AGAP1: variants seen among roughly 807,000 people sequenced by gnomAD.
The protein encoded by AGAP1 is arf-GAP with GTPase, ANK repeat and PH domain-containing protein 1.
AGAP1 carries 29 observed loss-of-function variants against 105.3 expected under a neutral mutation model. That is an observed-to-expected ratio of 0.28 (90% confidence interval 0.21 to 0.38). The LOEUF is 0.38. AGAP1 is among the 10% of genes least tolerant of loss of function. The pLI, the probability that AGAP1 is intolerant of heterozygous loss-of-function variation, is 1.00. For synonymous variants in AGAP1, 509 were observed against 485.9 expected (o/e 1.05, Z -0.63); for missense variants, 998 against 1,165.1 (o/e 0.86, Z 2.09).
intron 1 of AGAP1, among the ~76,000 whole-genome samples, chr2:235,673,775 G>A (rs2149370392): frequency 6.6e-6 from 1 of 152,308 alleles, no homozygotes; most frequent in South Asian, 2.1e-4. Context: ...TGGAGTCCTT[G>A]AAAATATAAA....
intron 2 of AGAP1, among the ~76,000 whole-genome samples, chr2:235,717,135 C>A (rs2149545118): frequency 6.6e-6 from 1 of 152,254 alleles, no homozygotes; most frequent in East Asian, 1.9e-4. Context: ...AAAGATGCTA[C>A]CATGCATGGG....
rs7569927 is a variant in AGAP1 at position 235,888,549 on chromosome 2, A to C, written c.1155+5100A>C. Among the ~76,000 whole-genome samples, 6,941 of 152,092 alleles carry C rather than the reference A, an allele frequency of 0.046. 374 individuals are homozygous for C. The highest frequency in any genetic ancestry group is 0.13 in the African/African-American group (5,322 of 41,484). On this transcript the variant is annotated intron_variant, in intron 10 of 17. Transcript: ENST00000304032. The surrounding 1 kb of genome is among the most constrained non-coding windows in gnomAD (Gnocchi z 4.8). ...AGAGACCCCATCTCTACAACAAATA[A>C]AAAAGTGAGCCAGGTGTGGTGGAGC... is the stretch of plus-strand genomic sequence containing the variant.
chr2:235,688,419 G>A (rs1051207614), intron 1 of AGAP1, among the ~76,000 whole-genome samples: 2 of 151,952 alleles, frequency 1.3e-5, no homozygotes, highest in East Asian at 1.9e-4. Context: ...AGGTCATGAC[G>A]GTCCCCTCCA....
chr2:235,536,659 A>ACG (rs1943246393), intron 1 of AGAP1, among the ~76,000 whole-genome samples: 1 of 151,130 alleles, frequency 6.6e-6, no homozygotes, highest in Admixed American at 6.6e-5. Flanking sequence ...ACACACACAC[A>ACG]CACACACACA....
chr2:235,772,743 C>T (rs774133323), intron 6 of AGAP1, among the ~76,000 whole-genome samples: 5 of 152,316 alleles, frequency 3.3e-5, no homozygotes, highest in South Asian at 4.1e-4. Flanking sequence ...CACAGCTGAG[C>T]GGCTGTGACC....
At chr2:235,816,429 C>A (rs1322217835) in intron 9 of AGAP1, among the ~76,000 whole-genome samples, 1 of 118,660 alleles carries the variant, frequency 8.4e-6, no homozygotes, top group East Asian at 2.3e-4. Flanking sequence ...CAGAGCGAGA[C>A]TCCGTCTCAA....
chr2:235,710,774 GT>G (rs1412767545), intron 2 of AGAP1, among the ~76,000 whole-genome samples: 1 of 152,164 alleles, frequency 6.6e-6, no homozygotes, highest in Non-Finnish European at 1.5e-5. Flanking sequence ...CAATCCCGCA[GT>G]TTCCGTTACT....
At chr2:235,828,939 A>G (rs1306710563) in intron 9 of AGAP1, among the ~76,000 whole-genome samples, 1 of 152,194 alleles carries the variant, frequency 6.6e-6, no homozygotes, top group Non-Finnish European at 1.5e-5. Context: ...GCCTGTCCAG[A>G]GTTCTGAGCC....
chr2:235,729,838 G>C lies in AGAP1; in HGVS notation c.311-11125G>C, dbSNP rs567508120. 1.1e-3 allele frequency among the ~76,000 whole-genome samples: 175 copies of C among 152,250 alleles called. No homozygotes were observed. Among genetic ancestry groups the C allele is most frequent in the Non-Finnish European group, 1.9e-3 (126 of 68,020 alleles). On this transcript the variant is annotated intron_variant, in intron 3 of 17. Transcript: ENST00000304032. This position sits in a 1 kb window ranked among gnomAD's most constrained non-coding sequence, Gnocchi z 5.0. ...CACCTCTTCCGTGTTGCTACTGCCT[G>C]AGAACAGAGGTTTTTAGTTTCTTTA...
At position 235,867,683 on chromosome 2, in the gene AGAP1, G is replaced by A. The variant is rs888848513; in HGVS notation, c.1051-15662G>A. Among the ~76,000 whole-genome samples the A allele has an allele frequency of 1.3e-5, 2 of 152,086 alleles. No homozygotes were observed. The highest frequency in any genetic ancestry group is 2.9e-5 in the Non-Finnish European group (2 of 68,016). ...AGTGTTATCTGCAGGGTATAGCTTAGCATAATGAGAGGGCAAAAGCAAGAT... is the reference window on the plus strand; with the variant it reads ...AGTGTTATCTGCAGGGTATAGCTTAACATAATGAGAGGGCAAAAGCAAGAT... On this transcript the variant is annotated intron_variant, in intron 9 of 17. Coordinates refer to ENST00000304032, the MANE Select transcript of AGAP1 (RefSeq NM_001037131.3). The surrounding 1 kb of genome is among the most constrained non-coding windows in gnomAD (Gnocchi z 5.4).
At chr2:236,006,195 C>T (rs527350867) in intron 13 of AGAP1, among the ~76,000 whole-genome samples, 4 of 152,246 alleles carry the variant, frequency 2.6e-5, no homozygotes, top group East Asian at 3.9e-4. Context: ...TCTGGCTGCT[C>T]CCACACCCTT....
chr2:235,515,985 G>A lies in AGAP1; in HGVS notation c.163+21136G>A, dbSNP rs561376366. ...TGCGGCCTCTGTAGCCCAGTCCTCC[G>A]AGTATCGTGACAGGTGGCTGGGTGC... On this transcript the variant is annotated intron_variant, in intron 1 of 17. Transcript: ENST00000304032. Among the ~76,000 whole-genome samples the A allele has an allele frequency of 7.9e-5, 12 of 152,170 alleles. No homozygotes were observed. The South Asian group carries it at 2.1e-3, about 26-fold the overall frequency.
At chr2:235,681,629 A>G (rs183016579) in intron 1 of AGAP1, among the ~76,000 whole-genome samples, 21 of 152,330 alleles carry the variant, frequency 1.4e-4, no homozygotes, top group Non-Finnish European at 2.9e-4. Context: ...GGAATACAGT[A>G]TGCACCTAAA....
Position 235,927,499 on chromosome 2 carries a change from C to G in AGAP1, c.1325-3266C>G, listed in dbSNP as rs796963473. Among the ~76,000 whole-genome samples, 99 of 152,302 alleles carry G rather than the reference C, an allele frequency of 6.5e-4. No individual in the cohort carries two copies. The highest frequency in any genetic ancestry group is 2.2e-3 in the African/African-American group (93 of 41,556). On this transcript the variant is annotated intron_variant, in intron 11 of 17. Transcript: ENST00000304032. This position sits in a 1 kb window ranked among gnomAD's most constrained non-coding sequence, Gnocchi z 4.4. ...TCCTAGTGTGTAGGCTTGAAGGAAT[C>G]TCTCCCTTCCTTTTTGGCAGTGTGA...
chr2:235,873,773 ACTGG>A (rs1381372285), intron 9 of AGAP1, among the ~76,000 whole-genome samples: 10 of 152,172 alleles, frequency 6.6e-5, no homozygotes, highest in African/African-American at 1.9e-4. Context: ...TGTCACCCAG[ACTGG>A]AGTGCAGTGG....
chr2:235,509,889 C>G (rs1276239359), intron 1 of AGAP1, among the ~76,000 whole-genome samples: 2 of 152,094 alleles, frequency 1.3e-5, no homozygotes, highest in East Asian at 3.9e-4. Context: ...TACAGCCACT[C>G]CCTTTGCCTT....
At chr2:236,094,429 G>A (rs2059143533) in intron 16 of AGAP1, among the ~76,000 whole-genome samples, 1 of 150,462 alleles carries the variant, frequency 6.6e-6, no homozygotes, top group Admixed American at 6.6e-5. Context: ...ACGGCCCACT[G>A]CAACCTCCAC....
intron 1 of AGAP1, among the ~76,000 whole-genome samples, chr2:235,592,761 G>C (rs946006973): frequency 3.9e-5 from 6 of 152,160 alleles, no homozygotes; most frequent in Non-Finnish European, 4.4e-5. Context: ...GAGGTTGCTT[G>C]GGGACGTGAT....
intron 1 of AGAP1, among the ~76,000 whole-genome samples, chr2:235,683,558 T>C (rs1396175985): frequency 6.6e-6 from 1 of 151,460 alleles, no homozygotes; most frequent in Non-Finnish European, 1.5e-5. Context: ...TATTTAAATG[T>C]GCTAAATGTA....
Sources: gnomAD v4.1 joint callset for allele counts (sites outside exome capture counted in the v4.1 genomes callset) on GRCh38, gnomAD v4.1.1 for gene constraint, Gnocchi (gnomAD v3.1) non-coding constraint, MANE v1.5 for transcripts, NCBI Gene and HGNC (gene_info 2026-07-23, HGNC 2026-07-21) for gene names.